The following OVCH2 variants were observed in gnomAD, a reference collection of about 807,000 sequenced individuals.
The protein encoded by OVCH2 is ovochymase 2.
Under a neutral mutation model 73.7 loss-of-function variants are expected in OVCH2, and 88 were observed. The ratio of observed to expected loss-of-function variants is 1.19; its 90% CI spans 1.01 to 1.43. The LOEUF (loss-of-function observed/expected upper bound fraction) is 1.43. Ranked by LOEUF, OVCH2 falls within the 40% of genes most tolerant of loss-of-function variation. The pLI is 0.00. For synonymous variants in OVCH2, 265 were observed against 234.5 expected (o/e 1.13, Z -1.19); for missense variants, 706 against 674.5 (o/e 1.05, Z -0.52).
At position 7,703,689 on chromosome 11, in the gene OVCH2, C is replaced by T. The variant is rs12287084; in HGVS notation, c.290+9G>A. ...TGTGGTCTTCACTCATGGGCTAGGC[C>T]TTTCTTACCTGTTTGCAATGCAGTG... On this transcript the variant is annotated intron_variant, in intron 3 of 15. Coordinates refer to ENST00000533663, the MANE Select transcript of OVCH2 (RefSeq NM_198185.7). 7.8e-3 allele frequency: 12,425 copies of T among 1,592,406 alleles called. 797 individuals carry two copies. In the African/African-American group the frequency reaches 0.14, roughly 18 times the overall value.
At chr11:7,693,497 C>T (rs1384983918) in intron 12 of OVCH2, among the ~76,000 whole-genome samples, 1 of 152,164 alleles carries the variant, frequency 6.6e-6, no homozygotes, top group Non-Finnish European at 1.5e-5. Flanking sequence ...TTCACTGATG[C>T]ACGACACTCA....
chr11:7,684,625 T>C (rs567660919), downstream of OVCH2, among the ~76,000 whole-genome samples: 1 of 152,042 alleles, frequency 6.6e-6, no homozygotes, highest in East Asian at 1.9e-4. Flanking sequence ...TAAGTGTAAC[T>C]ACAAATTAGC....
intron 10 of OVCH2, among the ~76,000 whole-genome samples, chr11:7,696,030 C>A (rs1856325637): frequency 6.6e-6 from 1 of 152,196 alleles, no homozygotes; most frequent in East Asian, 1.9e-4. Flanking sequence ...TGAGAAACCA[C>A]AGAAACACCA....
In OVCH2 at chr11:7,701,890, G is replaced by T. The variant is rs912790167; in HGVS notation, c.464-79C>A. 1.6e-5 allele frequency: 20 copies of T among 1,241,866 alleles called. No homozygotes were observed. In the African/African-American group the frequency reaches 2.9e-4, roughly 18 times the overall value. The allele number at this position is 1,241,866 out of a possible 1,614,324, so 76.9% of individuals were successfully genotyped here. ...TAAGCCACTCACCACTTGGTATCCA[G>T]GTGGTCCCCTAAAGACCTCATGAGA... On this transcript the variant is annotated intron_variant, in intron 4 of 15. Coordinates refer to ENST00000533663, the MANE Select transcript of OVCH2 (RefSeq NM_198185.7).
At chr11:7,696,658 C>T in intron 9 of OVCH2, 51 bp downstream of exon 9, 7 of 1,613,772 alleles carry the variant, frequency 4.3e-6, no homozygotes, top group Non-Finnish European at 5.9e-6. Context: ...AATTGGTGGG[C>T]CCAGACCGGA....
chr11:7,681,939 T>C, the OVCH2 span, among the ~76,000 whole-genome samples: 1 of 152,058 alleles, frequency 6.6e-6, no homozygotes, highest in South Asian at 2.1e-4. Flanking sequence ...TTTCACAAAT[T>C]TGCCCCAGCC....
At chr11:7,697,664 CCTT>C (rs1589877559) in intron 8 of OVCH2, among the ~76,000 whole-genome samples, 2 of 152,308 alleles carry the variant, frequency 1.3e-5, no homozygotes, top group East Asian at 3.9e-4. Context: ...TTCTCTTCCT[CCTT>C]CTTCGTTACA....
At chr11:7,680,287 C>T in the OVCH2 span, among the ~76,000 whole-genome samples, 5 of 152,294 alleles carry the variant, frequency 3.3e-5, no homozygotes, top group South Asian at 2.1e-4. Context: ...AGAGGACAGT[C>T]AGCCAGTGTC....
At chr11:7,701,063 C>A (rs1856428633) in intron 6 of OVCH2, among the ~76,000 whole-genome samples, 1 of 152,128 alleles carries the variant, frequency 6.6e-6, no homozygotes, top group Non-Finnish European at 1.5e-5. Context: ...CAGATTCCTG[C>A]CTTACCTGGA....
rs376812440 is a variant in OVCH2, at chr11:7,691,372, G to T, written c.1536C>A (p.Thr512=). 6.2e-7 allele frequency: 1 copy of T among 1,613,750 alleles called. No homozygotes were observed. ...IARLCGYDVP[T]PVLSPSSIML... is the part of the protein sequence containing the mutation. ...TGATGCTGGAGGGGCTCAGCACAGGGGTGGGGACATCATAGCCACACAGCC... is the reference window on the plus strand; with the variant it reads ...TGATGCTGGAGGGGCTCAGCACAGGTGTGGGGACATCATAGCCACACAGCC... Residue 512 remains threonine (T), a synonymous_variant, in exon 14 of 16, where the codon ACC becomes ACA. Coordinates refer to ENST00000533663, the MANE Select transcript of OVCH2 (RefSeq NM_198185.7).
the OVCH2 span, among the ~76,000 whole-genome samples, chr11:7,683,530 T>C: frequency 1.3e-5 from 2 of 152,198 alleles, no homozygotes; most frequent in Non-Finnish European, 2.9e-5. Flanking sequence ...CCTTTCCCTC[T>C]CCTGCAGTCT....
the OVCH2 span, among the ~76,000 whole-genome samples, chr11:7,681,474 G>A: frequency 6.6e-6 from 1 of 152,180 alleles, no homozygotes; most frequent in African/African-American, 2.4e-5. Flanking sequence ...TGAGACACCT[G>A]GAGTGGTCAG....
At chr11:7,702,865 G>A (rs983618867) in intron 3 of OVCH2, among the ~76,000 whole-genome samples, 1 of 152,150 alleles carries the variant, frequency 6.6e-6, no homozygotes, top group Non-Finnish European at 1.5e-5. Context: ...CCTTTGAGAC[G>A]CTTCATTCCC....
chr11:7,702,717 G>GT (rs1856467599), intron 3 of OVCH2, among the ~76,000 whole-genome samples: 1 of 152,174 alleles, frequency 6.6e-6, no homozygotes, highest in South Asian at 2.1e-4. Flanking sequence ...GTGATTCCCA[G>GT]TAAGTATGCT....
At chr11:7,693,714 A>G (rs953809682) in intron 12 of OVCH2, among the ~76,000 whole-genome samples, 1 of 152,178 alleles carries the variant, frequency 6.6e-6, no homozygotes, top group Non-Finnish European at 1.5e-5. Flanking sequence ...AGAAATCTAT[A>G]CCAACTGCCT....
At chr11:7,700,852 G>A (rs1400666795) in intron 6 of OVCH2, among the ~76,000 whole-genome samples, 2 of 152,146 alleles carry the variant, frequency 1.3e-5, no homozygotes, top group African/African-American at 4.8e-5. Flanking sequence ...TCCACAAACT[G>A]GAAAATTCTA....
At chr11:7,692,951 G>T (rs10839845) in intron 12 of OVCH2, among the ~76,000 whole-genome samples, 20,324 of 152,162 alleles carry the variant, frequency 0.13, 1,785 homozygotes, top group African/African-American at 0.26. Flanking sequence ...AATATCTTTA[G>T]GCATTTACTT....
rs1856383422 is a variant in OVCH2, at chr11:7,698,875, T to C, written c.902-102A>G. The C allele has an allele frequency of 3.2e-6, 4 of 1,254,834 alleles. No individual in the cohort carries two copies. The South Asian group carries it at 5.4e-5, about 17-fold the overall frequency. 77.7% of individuals were successfully genotyped at this position (1,254,834 alleles called of 1,614,324 possible). On this transcript the variant is annotated intron_variant, in intron 7 of 15. Coordinates refer to ENST00000533663, the MANE Select transcript of OVCH2 (RefSeq NM_198185.7). ...GGCGCACAAGAGATTTTTAAGTCAA[T>C]ATGCAACTAATAAAAATCTTATCTG... is the stretch of plus-strand genomic sequence containing the variant.
chr11:7,700,158 C>T, intron 7 of OVCH2, 138 bp downstream of exon 7: 1 of 805,384 alleles, frequency 1.2e-6, no homozygotes, highest in South Asian at 2.0e-5. Context: ...TGGTAAACCT[C>T]ACAATCCTTG....
Sources: allele counts gnomAD v4.1 joint callset (sites outside exome capture counted in the v4.1 genomes callset), GRCh38; gene constraint gnomAD v4.1.1; transcripts MANE v1.5; gene names NCBI Gene and HGNC (gene_info 2026-07-23, HGNC 2026-07-21).